Variants in MGA observed in about 807,000 individuals in gnomAD.
MGA encodes MAX gene-associated protein.
Under a neutral mutation model 261.1 loss-of-function variants are expected in MGA, and 40 were observed. That is an observed-to-expected ratio of 0.15 (90% confidence interval 0.12 to 0.20). MGA has a LOEUF of 0.20. Ranked by LOEUF, MGA falls within the 10% of genes least tolerant of loss-of-function variation. The pLI is 1.00. For missense variants in MGA, 3,397 were observed against 3,630.5 expected (o/e 0.94, Z 1.65); for synonymous variants, 1,302 against 1,290.6 (o/e 1.01, Z -0.19).
At position 41,749,656 on chromosome 15, in the gene MGA, T is replaced by G. The variant is rs769735337; in HGVS notation, c.6049T>G (p.Ser2017Ala). 5.0e-6 allele frequency: 8 copies of G among 1,613,974 alleles called. No individual in the cohort carries two copies. The highest frequency in any genetic ancestry group is 5.9e-6 in the Non-Finnish European group (7 of 1,179,882). ...AAAACAAAACTCAGGAGCTGCTACC[T>G]CAGAAGAAACTCTGAATGATTCCTT... is the stretch of plus-strand genomic sequence containing the variant. Residue 2017 changes from serine to alanine, a missense_variant, in exon 17 of 24, where the codon TCA becomes GCA. Ser to Ala is a moderately conservative substitution (Grantham distance 99). Transcript: ENST00000219905.
At chr15:41,684,963 T>C in intron 2 of MGA, among the ~76,000 whole-genome samples, 1 of 152,184 alleles carries the variant, frequency 6.6e-6, no homozygotes, top group Non-Finnish European at 1.5e-5. Context: ...TTAAAAATTA[T>C]TGAGTTAACA....
intron 2 of MGA, among the ~76,000 whole-genome samples, chr15:41,681,810 G>T (rs1011475241): frequency 3.3e-5 from 5 of 152,080 alleles, no homozygotes; most frequent in African/African-American, 1.2e-4. Context: ...CAAATGTCAT[G>T]CTATGAGTTA....
intron 11 of MGA, among the ~76,000 whole-genome samples, chr15:41,734,100 G>C (rs1178718814): frequency 6.6e-6 from 1 of 151,564 alleles, no homozygotes; most frequent in Admixed American, 6.6e-5. Flanking sequence ...GTATAGATGG[G>C]GTTTTGCCTT....
chr15:41,698,793 T>A, intron 3 of MGA, 70 bp from the exon 4 acceptor site: 4 of 1,230,500 alleles, frequency 3.3e-6, no homozygotes, highest in East Asian at 2.6e-5. Flanking sequence ...AAGTTTTTTT[T>A]AATCCTGTTT....
chr15:41,716,004 G>C (rs1275679886), intron 9 of MGA, among the ~76,000 whole-genome samples: 3 of 152,046 alleles, frequency 2.0e-5, no homozygotes, highest in Non-Finnish European at 4.4e-5. Context: ...TCTTCATCCT[G>C]TGCCCTATCC....
chr15:41,727,556 T>C, intron 10 of MGA, 150 bp downstream of exon 10: 1 of 712,048 alleles, frequency 1.4e-6, no homozygotes, highest in Non-Finnish European at 2.3e-6. Context: ...TTTAATCAGT[T>C]TAGTGCTGGC....
intron 1 of MGA, among the ~76,000 whole-genome samples, chr15:41,643,734 C>T (rs185128411): frequency 2.0e-5 from 3 of 149,904 alleles, no homozygotes; most frequent in African/African-American, 4.9e-5. Flanking sequence ...CTTTTTTTAT[C>T]GTGTATTACC....
At chr15:41,714,050 A>AT (rs1434497254) in intron 9 of MGA, among the ~76,000 whole-genome samples, 7 of 152,106 alleles carry the variant, frequency 4.6e-5, no homozygotes, top group Middle Eastern at 3.4e-3. Context: ...TTCATTATTG[A>AT]TTTTTTCGTT....
chr15:41,627,775 C>T (rs766450376), intron 1 of MGA, among the ~76,000 whole-genome samples: 55 of 152,054 alleles, frequency 3.6e-4, no homozygotes, highest in Non-Finnish European at 2.6e-4. Context: ...GAATTAAAGG[C>T]GTTAGTACCA....
chr15:41,749,694 T>A lies in MGA; in HGVS notation c.6087T>A (p.Gly2029=). 6.2e-7 allele frequency: 1 copy of A among 1,613,952 alleles called. No individual in the cohort carries two copies. Among genetic ancestry groups the A allele is most frequent in the Middle Eastern group, 1.6e-4 (1 of 6,062 alleles). The change falls in exon 17 of 24, where the codon GGT becomes GGA. Residue 2029 remains glycine, a synonymous_variant. Coordinates refer to ENST00000219905, the MANE Select transcript of MGA (RefSeq NM_001164273.2). ...TGAATGATTCCTTGGAAGATAGGGG[T>A]GATCATTTGGATGAAGAATGCCTTC... is the stretch of plus-strand genomic sequence containing the variant.
At chr15:41,692,814 C>T (rs1227494567) in intron 2 of MGA, among the ~76,000 whole-genome samples, 1 of 152,044 alleles carries the variant, frequency 6.6e-6, no homozygotes, top group Non-Finnish European at 1.5e-5. Flanking sequence ...TGGTTTCAAG[C>T]GATTTTCCAG....
chr15:41,731,886 C>T (rs2061524247), intron 11 of MGA, among the ~76,000 whole-genome samples: 1 of 152,140 alleles, frequency 6.6e-6, no homozygotes, highest in Admixed American at 6.5e-5. Context: ...TGCCACTGGG[C>T]AATTATACAT....
intron 1 of MGA, among the ~76,000 whole-genome samples, chr15:41,624,830 A>T (rs2056406797): frequency 6.6e-6 from 1 of 152,172 alleles, no homozygotes; most frequent in African/African-American, 2.4e-5. Context: ...AAAAACTGGG[A>T]AAACAGTTTT....
intron 9 of MGA, among the ~76,000 whole-genome samples, chr15:41,714,478 A>G (rs1010894635): frequency 6.6e-6 from 1 of 152,178 alleles, no homozygotes; most frequent in Non-Finnish European, 1.5e-5. Flanking sequence ...GACTTGTGCC[A>G]ACTTCAGACG....
intron 2 of MGA, among the ~76,000 whole-genome samples, chr15:41,682,073 A>G (rs7174806): frequency 0.019 from 2,826 of 151,986 alleles, 86 homozygotes; most frequent in African/African-American, 0.065. Flanking sequence ...ATGTGCCACC[A>G]TGCCCGGCTA....
chr15:41,644,003 G>A (rs2056881504), intron 1 of MGA, among the ~76,000 whole-genome samples: 1 of 152,004 alleles, frequency 6.6e-6, no homozygotes, highest in African/African-American at 2.4e-5. Flanking sequence ...TGCATGTGGT[G>A]TGAGGTAAAT....
intron 20 of MGA, 67 bp from the exon 21 acceptor site, chr15:41,761,672 A>G: frequency 1.1e-6 from 1 of 897,860 alleles, no homozygotes; most frequent in Admixed American, 3.2e-5. Context: ...GAGAAATTGT[A>G]TAGGCCTTAG....
At position 41,760,488 on chromosome 15, in the gene MGA, C is replaced by CT. The variant is rs2063390238; in HGVS notation, c.7359dup (p.His2454SerfsTer17). On this transcript the variant is annotated frameshift_variant, in exon 20 of 24. Transcript: ENST00000219905. LOFTEE classifies it high-confidence loss of function. ...GAAATTAAAGATCACATTGGGATTA[C>CT]TTCATTCTTCCAAGGTTTCCAAAAG... The CT allele has an allele frequency of 6.2e-7, 1 of 1,613,882 alleles. No individual in the cohort carries two copies. Among genetic ancestry groups the CT allele is most frequent in the Non-Finnish European group, 8.5e-7 (1 of 1,179,894 alleles).
intron 2 of MGA, among the ~76,000 whole-genome samples, chr15:41,674,765 G>T (rs541116552): frequency 6.6e-6 from 1 of 152,108 alleles, no homozygotes; most frequent in Non-Finnish European, 1.5e-5. Flanking sequence ...TGATCCGCCC[G>T]CCTTGGCCTC....
Sources: gnomAD v4.1 joint callset for allele counts (sites outside exome capture counted in the v4.1 genomes callset) on GRCh38, gnomAD v4.1.1 for gene constraint, MANE v1.5 for transcripts, NCBI Gene and HGNC (gene_info 2026-07-23, HGNC 2026-07-21) for gene names.